Variants in RAB3IP observed in about 807,000 individuals in gnomAD.
The protein encoded by RAB3IP is rab-3A-interacting protein.
A neutral mutation model predicts 59.1 loss-of-function variants in RAB3IP; 36 were observed. That is an observed-to-expected ratio of 0.61 (90% CI 0.47 to 0.80). The LOEUF is 0.80. Ranked by LOEUF, RAB3IP falls within the 30% of genes least tolerant of loss-of-function variation. The pLI is 0.00. For synonymous variants in RAB3IP, 207 were observed against 191.2 expected, an observed-to-expected ratio of 1.08 and a Z score of -0.68; for missense variants, 511 against 536.0, an observed-to-expected ratio of 0.95 and a Z score of 0.46.
At chr12:69,754,060 C>T (rs2136122758) in intron 1 of RAB3IP, among the ~76,000 whole-genome samples, 1 of 152,218 alleles carries the variant, frequency 6.6e-6, no homozygotes, top group African/African-American at 2.4e-5. Flanking sequence ...GGATTGTCTC[C>T]TTCAATCCTC....
chr12:69,808,875 A>G (rs1459779084), intron 8 of RAB3IP, among the ~76,000 whole-genome samples: 1 of 152,122 alleles, frequency 6.6e-6, no homozygotes, highest in Non-Finnish European at 1.5e-5. Flanking sequence ...TGTGTCTTTT[A>G]ATTGGAGCAT....
chr12:69,799,954 G>A (rs1465682299), intron 6 of RAB3IP, among the ~76,000 whole-genome samples: 1 of 152,060 alleles, frequency 6.6e-6, no homozygotes, highest in Non-Finnish European at 1.5e-5. Context: ...TTGGAAAAAG[G>A]CTAATTGGTT....
intron 10 of RAB3IP, among the ~76,000 whole-genome samples, chr12:69,813,961 TAG>T (rs1387443629): frequency 6.6e-6 from 1 of 152,172 alleles, no homozygotes; most frequent in Non-Finnish European, 1.5e-5. Flanking sequence ...AAATCCCATA[TAG>T]TTGGATTTTA....
chr12:69,771,036 A>G (rs1402622394), intron 3 of RAB3IP, among the ~76,000 whole-genome samples: 1 of 152,144 alleles, frequency 6.6e-6, no homozygotes, highest in African/African-American at 2.4e-5. Context: ...GCTTTTGATA[A>G]CCGCTATTCT....
intron 4 of RAB3IP, among the ~76,000 whole-genome samples, chr12:69,790,168 TAA>T (rs1218874511): frequency 6.6e-6 from 1 of 152,206 alleles, no homozygotes; most frequent in African/African-American, 2.4e-5. Flanking sequence ...TAGAAAATTC[TAA>T]AGATTCAACA....
At chr12:69,747,847 G>A (rs549882934) in intron 1 of RAB3IP, among the ~76,000 whole-genome samples, 1 of 152,260 alleles carries the variant, frequency 6.6e-6, no homozygotes, top group South Asian at 2.1e-4. Flanking sequence ...TAAGTTACCT[G>A]CCCAGGTTCA....
At chr12:69,778,488 G>C (rs946876597) in intron 3 of RAB3IP, among the ~76,000 whole-genome samples, 2 of 148,794 alleles carry the variant, frequency 1.3e-5, no homozygotes, top group Non-Finnish European at 3.0e-5. Flanking sequence ...GAGGAGAGGC[G>C]CTCTGATTTT....
intron 3 of RAB3IP, among the ~76,000 whole-genome samples, chr12:69,775,274 CTT>C (rs1873716970): frequency 1.0e-5 from 1 of 98,776 alleles, no homozygotes; most frequent in Non-Finnish European, 2.0e-5. Context: ...TATCCTGAGA[CTT>C]TGCTGAAGTT....
At chr12:69,800,358 T>G in intron 7 of RAB3IP, 21 bp downstream of exon 7, 2 of 1,440,714 alleles carry the variant, frequency 1.4e-6, no homozygotes, top group Non-Finnish European at 1.9e-6. Flanking sequence ...TTCATTTTAG[T>G]AGGAATTCAT....
intron 4 of RAB3IP, among the ~76,000 whole-genome samples, chr12:69,788,721 A>G (rs1277030587): frequency 6.6e-6 from 1 of 152,146 alleles, no homozygotes; most frequent in Non-Finnish European, 1.5e-5. Context: ...ACAGATACGT[A>G]TGGAACTTTT....
intron 3 of RAB3IP, among the ~76,000 whole-genome samples, chr12:69,771,748 A>G (rs934243958): frequency 1.3e-5 from 2 of 152,082 alleles, no homozygotes; most frequent in Non-Finnish European, 2.9e-5. Flanking sequence ...GTACTAATTT[A>G]TATTACCACC....
At chr12:69,807,459 G>T (rs1386786534) in intron 8 of RAB3IP, among the ~76,000 whole-genome samples, 1 of 141,488 alleles carries the variant, frequency 7.1e-6, no homozygotes. Flanking sequence ...ATCCCAGACA[G>T]GACGGCTGGG....
chr12:69,813,114 ATAG>A (rs1305051), intron 10 of RAB3IP, 81 bp downstream of exon 10: 94,510 of 913,408 alleles, frequency 0.1, 9,000 homozygotes, highest in East Asian at 0.43. Flanking sequence ...AAAGTATAGA[ATAG>A]TAGTAATGCT....
At position 69,738,899 on chromosome 12, in the gene RAB3IP, A is replaced by G. The variant is rs1202166152; in HGVS notation, c.-158A>G. The G allele has an allele frequency of 1.3e-5, 2 of 152,000 alleles. No individual in the cohort carries two copies. Among genetic ancestry groups the G allele is most frequent in the Non-Finnish European group, 2.9e-5 (2 of 67,996 alleles). 9.4% of individuals were successfully genotyped at this position (152,000 alleles called of 1,614,324 possible). A position where few individuals can be genotyped will look rare whatever the true frequency, so the allele number is the denominator to read the frequency against. ...GCGTTCCCTCGGCGGCTGCCGGCGT[A>G]GTGAGCCCGCCGCCGTGGAGTGTAG... On this transcript the variant is annotated 5_prime_UTR_variant, in exon 1 of 11. Transcript: ENST00000247833.
chr12:69,750,986 G>A (rs1869189006), intron 1 of RAB3IP, among the ~76,000 whole-genome samples: 2 of 152,056 alleles, frequency 1.3e-5, no homozygotes, highest in South Asian at 2.1e-4. Context: ...TATTTATTAA[G>A]TGGAATTCTG....
At chr12:69,813,126 C>A in intron 10 of RAB3IP, 93 bp downstream of exon 10, 1 of 803,512 alleles carries the variant, frequency 1.2e-6, no homozygotes, top group Non-Finnish European at 2.0e-6. Context: ...AGTAGTAATG[C>A]TCATATCAGC....
chr12:69,751,478 A>G (rs967707532), intron 1 of RAB3IP, among the ~76,000 whole-genome samples: 1 of 152,094 alleles, frequency 6.6e-6, no homozygotes, highest in Non-Finnish European at 1.5e-5. Context: ...CCAACTTTTC[A>G]TTGGATAAAC....
Position 69,815,601 on chromosome 12 carries a change from G to A in RAB3IP, c.*155G>A. 1.9e-6 allele frequency: 1 copy of A among 526,830 alleles called. No individual in the cohort carries two copies. The highest frequency in any genetic ancestry group is 3.4e-6 in the Non-Finnish European group (1 of 296,884). 32.6% of individuals were successfully genotyped at this position (526,830 alleles called of 1,614,324 possible). Reference sequence around the variant, plus strand: ...GAAGTACCATGATTTCTTTTAAACTGATCTATGCTGTGTTTGCTTATTCTT... The same window carrying A: ...GAAGTACCATGATTTCTTTTAAACTAATCTATGCTGTGTTTGCTTATTCTT... On this transcript the variant is annotated 3_prime_UTR_variant, in exon 11 of 11. Transcript: ENST00000247833.
In RAB3IP at chr12:69,739,004, C is replaced by G. The variant is rs928977840; in HGVS notation, c.-53C>G. 6.6e-6 allele frequency: 1 copy of G among 152,104 alleles called. No individual in the cohort carries two copies. Among genetic ancestry groups the G allele is most frequent in the East Asian group, 1.9e-4 (1 of 5,182 alleles). The allele number at this position is 152,104 out of a possible 1,614,324, so 9.4% of individuals were successfully genotyped here. A position where few individuals can be genotyped will look rare whatever the true frequency, so the allele number is the denominator to read the frequency against. ...GCGGCTCTGTGAGCGCCCCTGAGCGCCGGCAGCGGCCGCGGTGGGTTCTTC... is the reference window on the plus strand; with the variant it reads ...GCGGCTCTGTGAGCGCCCCTGAGCGGCGGCAGCGGCCGCGGTGGGTTCTTC... On this transcript the variant is annotated 5_prime_UTR_variant, in exon 1 of 11. Coordinates refer to ENST00000247833, the MANE Select transcript of RAB3IP (RefSeq NM_022456.5).
Sources: allele counts gnomAD v4.1 joint callset (sites outside exome capture counted in the v4.1 genomes callset), GRCh38; gene constraint gnomAD v4.1.1; transcripts MANE v1.5; gene names NCBI Gene and HGNC (gene_info 2026-07-23, HGNC 2026-07-21).